Variants in LINGO2 observed in about 807,000 individuals in gnomAD.
LINGO2 encodes the protein leucine rich repeat and Ig domain containing 2.
In LINGO2, 14 loss-of-function variants were observed where a neutral mutation model predicts 30.6. The ratio of observed to expected loss-of-function variants is 0.46; its 90% CI spans 0.30 to 0.72. LINGO2 has a LOEUF of 0.72. LINGO2 is among the 30% of genes least tolerant of loss of function. The pLI is 0.07. For synonymous variants in LINGO2, 317 were observed against 288.5 expected (o/e 1.10, Z -1.00); for missense variants, 729 against 751.7 (o/e 0.97, Z 0.35).
At chr9:29,004,413 T>C in the LINGO2 span, among the ~76,000 whole-genome samples, 6 of 151,962 alleles carry the variant, frequency 3.9e-5, no homozygotes, top group Non-Finnish European at 8.8e-5. Context: ...TTCTGGTTAA[T>C]CAGTGGGTAT....
the LINGO2 span, among the ~76,000 whole-genome samples, chr9:28,869,027 G>A: frequency 2.7e-4 from 41 of 152,080 alleles, 2 homozygotes; most frequent in Middle Eastern, 0.024. Flanking sequence ...TTAAATATGG[G>A]ATAAAAATAA....
chr9:28,656,848 G>T (rs1828367685), intron 1 of LINGO2, among the ~76,000 whole-genome samples: 1 of 152,030 alleles, frequency 6.6e-6, no homozygotes, highest in Non-Finnish European at 1.5e-5. Flanking sequence ...AAATAGAGAT[G>T]TCACTTCCCA....
intron 4 of LINGO2, among the ~76,000 whole-genome samples, chr9:28,267,416 C>T (rs756425302): frequency 6.6e-6 from 1 of 151,988 alleles, no homozygotes; most frequent in African/African-American, 2.4e-5. Context: ...AACATTCACA[C>T]CCAGAATGAA....
chr9:29,175,757 C>A, the LINGO2 span, among the ~76,000 whole-genome samples: 2 of 151,992 alleles, frequency 1.3e-5, no homozygotes, highest in African/African-American at 2.4e-5. Context: ...GATCTCCTGA[C>A]CTCGTGATCC....
Position 28,094,358 on chromosome 9 carries a change from T to C in LINGO2, c.-86-81953A>G, listed in dbSNP as rs150663769. 1.3e-5 allele frequency among the ~76,000 whole-genome samples: 2 copies of C among 152,202 alleles called. 1 individual carries two copies. The highest frequency in any genetic ancestry group is 4.8e-5 in the African/African-American group (2 of 41,550). ...GTAGTTTGCCTATATTTCTGTAAGGTATTTTCCTCACCTCTCTAACCCAGA... is the reference window on the plus strand; with the variant it reads ...GTAGTTTGCCTATATTTCTGTAAGGCATTTTCCTCACCTCTCTAACCCAGA... On this transcript the variant is annotated intron_variant, in intron 4 of 5. Transcript: ENST00000379992.
the LINGO2 span, among the ~76,000 whole-genome samples, chr9:29,022,430 A>C: frequency 6.6e-6 from 1 of 152,048 alleles, no homozygotes; most frequent in Non-Finnish European, 1.5e-5. Context: ...TCTTCTTTGG[A>C]TCGTTTATGA....
chr9:29,111,923 A>G, the LINGO2 span, among the ~76,000 whole-genome samples: 1 of 150,046 alleles, frequency 6.7e-6, no homozygotes, highest in East Asian at 1.9e-4. Flanking sequence ...ATATTTATAT[A>G]TGTGTGTATA....
At chr9:28,251,868 C>T (rs1248089245) in intron 4 of LINGO2, among the ~76,000 whole-genome samples, 1 of 152,000 alleles carries the variant, frequency 6.6e-6, no homozygotes, top group Non-Finnish European at 1.5e-5. Context: ...TATGTATGTA[C>T]CAAACAAAGC....
chr9:29,094,038 T>C, the LINGO2 span, among the ~76,000 whole-genome samples: 1 of 138,968 alleles, frequency 7.2e-6, no homozygotes. Context: ...AATTTCTGCA[T>C]TGGAAGGCCA....
At chr9:28,915,688 C>T in the LINGO2 span, among the ~76,000 whole-genome samples, 1 of 152,148 alleles carries the variant, frequency 6.6e-6, no homozygotes, top group African/African-American at 2.4e-5. Context: ...GATACTTTAT[C>T]AGTGAATCAC....
chr9:28,144,987 C>T (rs1827773600), intron 4 of LINGO2, among the ~76,000 whole-genome samples: 1 of 152,086 alleles, frequency 6.6e-6, no homozygotes, highest in Non-Finnish European at 1.5e-5. Flanking sequence ...GTATTAAATC[C>T]TCTGAAAGAA....
At chr9:27,957,418 C>T (rs1235037415) in intron 5 of LINGO2, among the ~76,000 whole-genome samples, 4 of 152,054 alleles carry the variant, frequency 2.6e-5, no homozygotes, top group Non-Finnish European at 5.9e-5. Context: ...CTCAGCCTCC[C>T]GAGTAGCTGG....
chr9:28,554,032 C>T (rs972561365), intron 1 of LINGO2, among the ~76,000 whole-genome samples: 6 of 151,986 alleles, frequency 3.9e-5, no homozygotes, highest in African/African-American at 9.7e-5. Flanking sequence ...TGGTACCAGC[C>T]GCTGCAAAAG....
At chr9:28,626,844 G>T (rs1457563778) in intron 1 of LINGO2, among the ~76,000 whole-genome samples, 4 of 150,930 alleles carry the variant, frequency 2.7e-5, no homozygotes, top group Non-Finnish European at 5.9e-5. Flanking sequence ...GTGTGTGTGT[G>T]TCTTCCATTA....
At chr9:28,887,863 T>C in the LINGO2 span, among the ~76,000 whole-genome samples, 1 of 152,156 alleles carries the variant, frequency 6.6e-6, no homozygotes, top group Non-Finnish European at 1.5e-5. Flanking sequence ...GAAGAAATCC[T>C]ACAGAAATAA....
the LINGO2 span, among the ~76,000 whole-genome samples, chr9:28,917,741 G>C: frequency 5.3e-5 from 8 of 152,158 alleles, no homozygotes; most frequent in African/African-American, 1.9e-4. Flanking sequence ...TTAGGTCATA[G>C]AGTTGAGTAA....
chr9:28,582,212 T>C (rs1221045971), intron 1 of LINGO2, among the ~76,000 whole-genome samples: 4 of 152,106 alleles, frequency 2.6e-5, no homozygotes, highest in African/African-American at 9.6e-5. Context: ...ATCTGGATAA[T>C]TCCTTATGGT....
At chr9:27,979,626 G>A (rs951180454) in intron 5 of LINGO2, among the ~76,000 whole-genome samples, 7 of 151,826 alleles carry the variant, frequency 4.6e-5, no homozygotes, top group African/African-American at 9.7e-5. Flanking sequence ...GGAAAATAGA[G>A]GTATGGAAAA....
the LINGO2 span, among the ~76,000 whole-genome samples, chr9:28,702,078 T>G: frequency 2.0e-5 from 3 of 151,880 alleles, no homozygotes; most frequent in Non-Finnish European, 4.4e-5. Context: ...AAAAATAGTT[T>G]TACTTCTTAC....
Sources: gnomAD v4.1 joint callset for allele counts (sites outside exome capture counted in the v4.1 genomes callset) on GRCh38, gnomAD v4.1.1 for gene constraint, MANE v1.5 for transcripts, NCBI Gene and HGNC (gene_info 2026-07-23, HGNC 2026-07-21) for gene names.